Variants in MTR observed in about 807,000 individuals in gnomAD.
MTR encodes the protein 5-methyltetrahydrofolate-homocysteine methyltransferase, also known as methionine synthase.
In MTR, 84 loss-of-function variants were observed where a neutral mutation model predicts 154.8. The ratio of observed to expected loss-of-function variants is 0.54; its 90% CI spans 0.45 to 0.65. MTR has a LOEUF of 0.65. MTR is among the 30% of genes least tolerant of loss of function. MTR has a pLI of 0.00. For missense variants in MTR, 1,275 were observed against 1,570.2 expected (o/e 0.81, Z 3.18); for synonymous variants, 554 against 553.9 (o/e 1.00, Z 0.00).
chr1:236,878,473 T>A (rs908995751), intron 24 of MTR, among the ~76,000 whole-genome samples: 5 of 152,174 alleles, frequency 3.3e-5, no homozygotes, highest in African/African-American at 1.2e-4. Context: ...GAACTGGAAC[T>A]GTACCCCCAA....
chr1:236,889,270 G>A lies in MTR; in HGVS notation c.2941G>A (p.Val981Ile), dbSNP rs1201786899. The A allele has an allele frequency of 5.6e-6, 9 of 1,614,230 alleles. No homozygotes were observed. The highest frequency in any genetic ancestry group is 7.6e-6 in the Non-Finnish European group (9 of 1,180,048). ...CATTGACTGGAAGCCTTTCTTTGAT[G>A]TCTGGCAGCTCCGGGGCAAGTACCC... ...DYIDWKPFFD[V>I]WQLRGKYPNR... Residue 981 changes from valine (V) to isoleucine (I), a missense_variant, in exon 28 of 33, where the codon GTC becomes ATC. By Grantham distance (29) the Val-to-Ile change is conservative. Coordinates refer to ENST00000366577, the MANE Select transcript of MTR (RefSeq NM_000254.3).
intron 8 of MTR, among the ~76,000 whole-genome samples, chr1:236,820,963 G>A (rs1037028278): frequency 6.6e-6 from 1 of 152,162 alleles, no homozygotes; most frequent in African/African-American, 2.4e-5. Flanking sequence ...TGAGGAGGCT[G>A]GTCAGCTCTT....
chr1:236,864,452 CAG>C (rs1664721015), intron 22 of MTR, among the ~76,000 whole-genome samples: 1 of 152,190 alleles, frequency 6.6e-6, no homozygotes, highest in Non-Finnish European at 1.5e-5. Flanking sequence ...AGGCTGGAGA[CAG>C]AGAAGCAGTG....
At chr1:236,826,593 G>T (rs539439534) in intron 10 of MTR, among the ~76,000 whole-genome samples, 12 of 152,268 alleles carry the variant, frequency 7.9e-5, no homozygotes, top group African/African-American at 2.9e-4. Context: ...ACCATACCCA[G>T]CCTCTCACTG....
intron 27 of MTR, among the ~76,000 whole-genome samples, chr1:236,887,484 T>C (rs1293663861): frequency 6.6e-6 from 1 of 152,238 alleles, no homozygotes; most frequent in African/African-American, 2.4e-5. Context: ...AATTGCTGTA[T>C]AGTTCAAGCT....
chr1:236,800,599 A>G (rs941714395), intron 1 of MTR: 3 of 611,122 alleles, frequency 4.9e-6, no homozygotes, highest in Non-Finnish European at 4.1e-6. Flanking sequence ...ACCTGCAAAT[A>G]TGCCATTCCT....
rs937907117 is a variant in MTR at position 236,858,240 on chromosome 1, G to T, written c.1954-1593G>T. 3.3e-5 allele frequency among the ~76,000 whole-genome samples: 5 copies of T among 152,164 alleles called. No individual in the cohort carries two copies. In the South Asian group the frequency reaches 1.0e-3, roughly 32 times the overall value. On this transcript the variant is annotated intron_variant, in intron 18 of 32. Transcript: ENST00000366577. The stretch of plus-strand genomic sequence containing the variant: ...AGGTCTCACAATCATAATGGAAGGT[G>T]AAAAGCACGTCTTACATGACAGCAG...
chr1:236,810,910 G>C (rs948413888), intron 5 of MTR, among the ~76,000 whole-genome samples: 1 of 152,160 alleles, frequency 6.6e-6, no homozygotes, highest in Non-Finnish European at 1.5e-5. Flanking sequence ...TGGATACTAG[G>C]TTTGTGGTCT....
intron 15 of MTR, among the ~76,000 whole-genome samples, chr1:236,845,432 C>T (rs1460655250): frequency 6.6e-6 from 1 of 151,802 alleles, no homozygotes; most frequent in Non-Finnish European, 1.5e-5. Flanking sequence ...ACTGAAGGCT[C>T]ATTTGTTGCA....
intron 18 of MTR, among the ~76,000 whole-genome samples, chr1:236,854,789 T>G (rs539742075): frequency 6.6e-6 from 1 of 152,354 alleles, no homozygotes; most frequent in South Asian, 2.1e-4. Context: ...TCTTTTGGTC[T>G]GTACTCACTT....
intron 8 of MTR, chr1:236,820,234 C>A: frequency 2.7e-6 from 2 of 753,320 alleles, no homozygotes; most frequent in South Asian, 1.4e-5. Flanking sequence ...CATGCCTGAT[C>A]TCTGCTTGTA....
In MTR at chr1:236,841,115, A is replaced by G. The variant is rs115257399; in HGVS notation, c.1515+2516A>G. ...TTCAGCTTTTTAAGCTGATTCTTGT[A>G]GCATCTACCTCTTTATCTTCAAATT... On this transcript the variant is annotated intron_variant, in intron 15 of 32. Coordinates refer to ENST00000366577, the MANE Select transcript of MTR (RefSeq NM_000254.3). Among the ~76,000 whole-genome samples, 292 of 152,320 alleles carry G rather than the reference A, an allele frequency of 1.9e-3. 1 individual carries two copies. The highest frequency in any genetic ancestry group is 6.9e-3 in the African/African-American group (286 of 41,580).
At chr1:236,872,870 G>A (rs1665217811) in intron 22 of MTR, among the ~76,000 whole-genome samples, 1 of 152,194 alleles carries the variant, frequency 6.6e-6, no homozygotes. Flanking sequence ...TGGGTTTAGT[G>A]GGGCATGCCT....
rs754079818 is a variant in MTR, at chr1:236,885,108, C to T, written c.2677-13C>T. On this transcript the variant is annotated splice_polypyrimidine_tract_variant and intron_variant, in intron 25 of 32. Coordinates refer to ENST00000366577, the MANE Select transcript of MTR (RefSeq NM_000254.3). ...TCATCTTTTGCTCATCTATGGCTAT[C>T]TTGCATTTTCAGTGTTCCCAGCTGT... is the stretch of plus-strand genomic sequence containing the variant. The T allele has an allele frequency of 6.5e-7, 1 of 1,538,706 alleles. No homozygotes were observed. Among genetic ancestry groups the T allele is most frequent in the Admixed American group, 1.7e-5 (1 of 59,932 alleles).
At chr1:236,840,093 TTCTG>T (rs1223946221) in intron 15 of MTR, among the ~76,000 whole-genome samples, 3 of 152,212 alleles carry the variant, frequency 2.0e-5, no homozygotes, top group Non-Finnish European at 4.4e-5. Flanking sequence ...TACTTTTTCT[TTCTG>T]TCTTTGTTTT....
intron 28 of MTR, among the ~76,000 whole-genome samples, chr1:236,889,887 A>G (rs888032283): frequency 2.6e-5 from 4 of 152,198 alleles, no homozygotes; most frequent in South Asian, 2.1e-4. Context: ...CAAGGAGCCC[A>G]TTGTGCTTGG....
In MTR at chr1:236,899,193, A is replaced by T. The variant is rs1440022581; in HGVS notation, c.*1549A>T. 2 of 152,212 alleles carry T rather than the reference A, an allele frequency of 1.3e-5. No homozygotes were observed. The highest frequency in any genetic ancestry group is 3.9e-4 in the East Asian group (2 of 5,190). The allele number at this position is 152,212 out of a possible 1,614,324, so 9.4% of individuals were successfully genotyped here. A position where few individuals can be genotyped will look rare whatever the true frequency, so the allele number is the denominator to read the frequency against. On this transcript the variant is annotated 3_prime_UTR_variant, in exon 33 of 33. Transcript: ENST00000366577. ...ACAGATTTTATTGAATGAAACAAGC[A>T]GGTGTTTATATGGAGTAGCAAAGGA...
chr1:236,894,636 G>A, intron 30 of MTR, 79 bp downstream of exon 30: 1 of 1,437,360 alleles, frequency 7.0e-7, no homozygotes, highest in Non-Finnish European at 9.7e-7. Context: ...CCTGAAGACT[G>A]ATCAGCCCTT....
At chr1:236,862,175 G>A (rs533124882) in intron 20 of MTR, 61 bp from the exon 21 acceptor site, 2 of 1,355,250 alleles carry the variant, frequency 1.5e-6, no homozygotes, top group South Asian at 2.3e-5. Flanking sequence ...TTTCACAAGT[G>A]GCCATCAGCA....
Sources: gnomAD v4.1 joint callset for allele counts (sites outside exome capture counted in the v4.1 genomes callset) on GRCh38, gnomAD v4.1.1 for gene constraint, MANE v1.5 for transcripts, NCBI Gene and HGNC (gene_info 2026-07-23, HGNC 2026-07-21) for gene names.